The following FAM107B variants were observed in gnomAD, a reference collection of about 807,000 sequenced individuals.
FAM107B encodes family with sequence similarity 107 member B.
In FAM107B, 21 loss-of-function variants were observed where a neutral mutation model predicts 31.5. The ratio of observed to expected loss-of-function variants is 0.67; its 90% CI spans 0.47 to 0.96. FAM107B has a LOEUF of 0.96. FAM107B is among the 40% of genes least tolerant of loss of function. The probability of loss-of-function intolerance (pLI) is 0.00; values close to 1 mark genes in which losing one functional copy is unlikely to be tolerated. For synonymous variants in FAM107B, 157 were observed against 141.5 expected, an observed-to-expected ratio of 1.11 and a Z score of -0.78; for missense variants, 452 against 377.1, an observed-to-expected ratio of 1.20 and a Z score of -1.64.
Position 14,703,622 on chromosome 10 carries a change from A to G in FAM107B, c.412-35931T>C, listed in dbSNP as rs1855455265. On this transcript the variant is annotated intron_variant, in intron 1 of 4. Coordinates refer to ENST00000181796, the MANE Select transcript of FAM107B (RefSeq NM_031453.4). ...AGTGCTAGGATTACAGGCGTGAGCC[A>G]CTGCGCCCAGCCCAGGTCTTCTTAA... Among the ~76,000 whole-genome samples, 3 of 152,200 alleles carry G rather than the reference A, an allele frequency of 2.0e-5. No homozygotes were observed. The South Asian group carries it at 6.2e-4, about 31-fold the overall frequency.
chr10:14,624,944 G>A (rs1853117718), intron 2 of FAM107B, among the ~76,000 whole-genome samples: 1 of 152,172 alleles, frequency 6.6e-6, no homozygotes, highest in South Asian at 2.1e-4. Flanking sequence ...GTCATGTGTG[G>A]CCGGGCGTGG....
At position 14,536,587 on chromosome 10, in the gene FAM107B, T is replaced by C. The variant is rs775660468; in HGVS notation, c.470-6072A>G. On this transcript the variant is annotated intron_variant, in intron 2 of 4. Coordinates refer to ENST00000181796, the MANE Select transcript of FAM107B (RefSeq NM_031453.4). Reference sequence around the variant, plus strand: ...GGTAAGAATTTTTCCCAAAGTGCAGTTGGTTTCATCACAAACTCCTGACTT... The same window carrying C: ...GGTAAGAATTTTTCCCAAAGTGCAGCTGGTTTCATCACAAACTCCTGACTT... 4.6e-5 allele frequency among the ~76,000 whole-genome samples: 7 copies of C among 152,176 alleles called. No individual in the cohort carries two copies. The East Asian group carries it at 5.8e-4, about 13-fold the overall frequency.
Position 14,581,506 on chromosome 10 carries a change from G to A in FAM107B, c.470-50991C>T, listed in dbSNP as rs1187703911. Among the ~76,000 whole-genome samples the A allele has an allele frequency of 2.6e-5, 4 of 152,218 alleles. No homozygotes were observed. In the East Asian group the frequency reaches 5.8e-4, roughly 22 times the overall value. ...CTGGCCTGAAAGACGTTCGTTCAGAGCCATCCCTGCCACAGCCTCATCCAG... is the reference window on the plus strand; with the variant it reads ...CTGGCCTGAAAGACGTTCGTTCAGAACCATCCCTGCCACAGCCTCATCCAG... On this transcript the variant is annotated intron_variant, in intron 2 of 4. Transcript: ENST00000181796.
At chr10:14,641,201 C>A (rs1168246104) in intron 2 of FAM107B, among the ~76,000 whole-genome samples, 1 of 152,214 alleles carries the variant, frequency 6.6e-6, no homozygotes, top group Non-Finnish European at 1.5e-5. Context: ...GATAACCAAG[C>A]TGGAAATTTC....
At chr10:14,532,746 T>A (rs1364744770) in intron 2 of FAM107B, 1 of 152,216 alleles carries the variant, frequency 6.6e-6, no homozygotes, top group East Asian at 1.9e-4. Flanking sequence ...TTCTAGTTAA[T>A]CATAGACCAA....
intron 2 of FAM107B, among the ~76,000 whole-genome samples, chr10:14,640,776 G>C (rs1853608131): frequency 6.6e-6 from 1 of 152,148 alleles, no homozygotes; most frequent in Non-Finnish European, 1.5e-5. Context: ...ACTGTTCATT[G>C]TCACACAGCT....
At chr10:14,609,397 A>AGAATT (rs1470845770) in intron 2 of FAM107B, among the ~76,000 whole-genome samples, 1 of 152,164 alleles carries the variant, frequency 6.6e-6, no homozygotes, top group Non-Finnish European at 1.5e-5. Flanking sequence ...GATTGCTGGC[A>AGAATT]GAATTCAGTT....
chr10:14,712,624 A>AC (rs1437236123), intron 1 of FAM107B, among the ~76,000 whole-genome samples: 1 of 103,844 alleles, frequency 9.6e-6, no homozygotes, highest in Non-Finnish European at 2.0e-5. Flanking sequence ...AAAACAAAAA[A>AC]AAAAGAAGAA....
intron 2 of FAM107B, among the ~76,000 whole-genome samples, chr10:14,617,179 G>T (rs1309065888): frequency 6.6e-6 from 1 of 151,782 alleles, no homozygotes; most frequent in African/African-American, 2.4e-5. Flanking sequence ...AGTTTTTTTT[G>T]AAGATCATGC....
At chr10:14,723,410 T>G in intron 1 of FAM107B, 1 of 552,404 alleles carries the variant, frequency 1.8e-6, no homozygotes, top group Non-Finnish European at 3.5e-6. Context: ...TTCAGCAGCA[T>G]CTGCTCTTCT....
At chr10:14,726,193 A>G (rs1856031849) in intron 1 of FAM107B, among the ~76,000 whole-genome samples, 1 of 152,138 alleles carries the variant, frequency 6.6e-6, no homozygotes, top group Non-Finnish European at 1.5e-5. Flanking sequence ...GGGTTTTGCC[A>G]TGTTGGCCAG....
In FAM107B at chr10:14,697,325, G is replaced by A. The variant is rs563853730; in HGVS notation, c.412-29634C>T. 7.2e-5 allele frequency among the ~76,000 whole-genome samples: 11 copies of A among 152,200 alleles called. No homozygotes were observed. The South Asian group carries it at 2.1e-3, about 29-fold the overall frequency. On this transcript the variant is annotated intron_variant, in intron 1 of 4. Coordinates refer to ENST00000181796, the MANE Select transcript of FAM107B (RefSeq NM_031453.4). ...AACTTAACCAGGTCCCCGAAATGGA[G>A]GCAGAACAGTTCCTTCAGATTTTCC... is the stretch of plus-strand genomic sequence containing the variant.
intron 2 of FAM107B, among the ~76,000 whole-genome samples, chr10:14,599,057 C>A (rs1052785816): frequency 1.3e-5 from 2 of 152,190 alleles, no homozygotes; most frequent in Non-Finnish European, 2.9e-5. Context: ...TAATTCAAGT[C>A]AGCACTGACA....
Position 14,530,389 on chromosome 10 carries a change from ACAGGATTGAT to A in FAM107B, c.586_595del (p.Ile196Ter). Reference sequence around the variant, plus strand: ...ATCTTGATGGTTCCGGGAGGTTTTTACAGGATTGATCAGTTTCTGAGGCCTAATGAGTTCA... The same window carrying A: ...ATCTTGATGGTTCCGGGAGGTTTTTACAGTTTCTGAGGCCTAATGAGTTCA... On this transcript the variant is annotated frameshift_variant, in exon 3 of 5. Transcript: ENST00000181796. LOFTEE classifies it high-confidence loss of function. 1 of 1,614,102 alleles carries A rather than the reference ACAGGATTGAT, an allele frequency of 6.2e-7. No individual in the cohort carries two copies. The highest frequency in any genetic ancestry group is 8.5e-7 in the Non-Finnish European group (1 of 1,179,988).
chr10:14,739,426 G>A (rs1393837504), intron 1 of FAM107B, among the ~76,000 whole-genome samples: 2 of 152,154 alleles, frequency 1.3e-5, no homozygotes, highest in Admixed American at 6.5e-5. Context: ...TGTAGGTGGA[G>A]GACAAGGTAT....
intron 2 of FAM107B, among the ~76,000 whole-genome samples, chr10:14,540,010 T>C (rs947412017): frequency 6.6e-6 from 1 of 152,226 alleles, no homozygotes; most frequent in African/African-American, 2.4e-5. Flanking sequence ...ACGTCTGCCA[T>C]GTTCACCATG....
chr10:14,571,305 C>T (rs1851205410), intron 2 of FAM107B, among the ~76,000 whole-genome samples: 1 of 152,090 alleles, frequency 6.6e-6, no homozygotes, highest in African/African-American at 2.4e-5. Context: ...CAGATCATAA[C>T]AAGTACTTCA....
intron 2 of FAM107B, among the ~76,000 whole-genome samples, chr10:14,624,635 C>CA (rs1381977827): frequency 2.2e-4 from 32 of 145,060 alleles, no homozygotes; most frequent in African/African-American, 2.8e-4. Flanking sequence ...GACTCCGTTT[C>CA]AAAAAAAAAA....
chr10:14,622,617 G>C (rs1853043678), intron 2 of FAM107B, among the ~76,000 whole-genome samples: 1 of 152,122 alleles, frequency 6.6e-6, no homozygotes, highest in African/African-American at 2.4e-5. Context: ...GAGAGAGAAA[G>C]TCAGAAAGCT....
Sources: gnomAD v4.1 joint callset for allele counts (sites outside exome capture counted in the v4.1 genomes callset) on GRCh38, gnomAD v4.1.1 for gene constraint, MANE v1.5 for transcripts, NCBI Gene and HGNC (gene_info 2026-07-23, HGNC 2026-07-21) for gene names.